ADAMTS10: variants seen among roughly 807,000 people sequenced by gnomAD.
ADAMTS10 encodes ADAM metallopeptidase with thrombospondin type 1 motif 10.
ADAMTS10 carries 48 observed loss-of-function variants against 135.9 expected under a neutral mutation model. That is an observed-to-expected ratio of 0.35 (90% CI 0.28 to 0.45). The LOEUF (loss-of-function observed/expected upper bound fraction) is 0.45. ADAMTS10 is among the 20% of genes least tolerant of loss of function. The pLI is 1.00. For missense variants in ADAMTS10, 1,131 were observed against 1,565.2 expected, an observed-to-expected ratio of 0.72 and a Z score of 4.68; for synonymous variants, 621 against 647.5, an observed-to-expected ratio of 0.96 and a Z score of 0.62.
intron 18 of ADAMTS10, 115 bp from the exon 19 acceptor site, chr19:8,587,011 T>C (rs2042442371): frequency 2.8e-6 from 3 of 1,081,330 alleles, no homozygotes; most frequent in Non-Finnish European, 4.2e-6. Context: ...AACACACATC[T>C]AACTGCACCC....
chr19:8,595,569 G>T, intron 12 of ADAMTS10, 193 bp downstream of exon 12: 1 of 841,312 alleles, frequency 1.2e-6, no homozygotes, highest in Non-Finnish European at 1.9e-6. Flanking sequence ...CCCAAGCACT[G>T]TCTGATTGCT....
Position 8,605,488 on chromosome 19 carries a change from G to T in ADAMTS10, c.89-130C>A. ...CGAAATCCAGGGAGTTGGCTGCAAG[G>T]CTCCCGCCTATTGACCCCAGGGCCT... is the stretch of plus-strand genomic sequence containing the variant. On this transcript the variant is annotated intron_variant, in intron 3 of 25. Coordinates refer to ENST00000597188, the MANE Select transcript of ADAMTS10 (RefSeq NM_030957.4). This position sits in a 1 kb window ranked among gnomAD's most constrained non-coding sequence, Gnocchi z 7.7. The T allele has an allele frequency of 6.8e-7, 1 of 1,469,704 alleles. No individual in the cohort carries two copies. Among genetic ancestry groups the T allele is most frequent in the Non-Finnish European group, 9.2e-7 (1 of 1,082,774 alleles). 91.0% of individuals were successfully genotyped at this position (1,469,704 alleles called of 1,614,324 possible).
chr19:8,590,059 C>A, intron 15 of ADAMTS10, 68 bp from the exon 16 acceptor site: 3 of 1,147,328 alleles, frequency 2.6e-6, no homozygotes, highest in Non-Finnish European at 3.9e-6. Flanking sequence ...AAGGGGTGCT[C>A]AGAGAAAGAT....
chr19:8,609,234 C>G lies in ADAMTS10; in HGVS notation c.-214-986G>C, dbSNP rs897913043. ...TTATGGCTTGTGAGTGTGTGTGACC[C>G]TGTGTGTGTGTGTGTGTGTGTGTGT... On this transcript the variant is annotated intron_variant, in intron 1 of 25. Transcript: ENST00000597188. Among the ~76,000 whole-genome samples, 144 of 139,928 alleles carry G rather than the reference C, an allele frequency of 1.0e-3. 1 individual carries two copies. The highest frequency in any genetic ancestry group is 3.6e-3 in the African/African-American group (138 of 37,912). 91.8% of individuals were successfully genotyped at this position (139,928 alleles called of 152,430 possible).
intron 5 of ADAMTS10, among the ~76,000 whole-genome samples, chr19:8,602,520 C>T (rs1199086858): frequency 6.6e-6 from 1 of 152,076 alleles, no homozygotes; most frequent in Non-Finnish European, 1.5e-5. Context: ...GGGGTTTCGC[C>T]ATGTTGGCCA....
rs1294595639 is a variant in ADAMTS10, at chr19:8,602,655, T to C, written c.592+1073A>G. Among the ~76,000 whole-genome samples, 13 of 152,290 alleles carry C rather than the reference T, an allele frequency of 8.5e-5. 1 individual carries two copies. Among genetic ancestry groups the C allele is most frequent in the Admixed American group, 8.5e-4 (13 of 15,284 alleles). On this transcript the variant is annotated intron_variant, in intron 5 of 25. Transcript: ENST00000597188. ...TATATATATATTTTGAAACAGGACC[T>C]TGCTCTGTTGCCCACGCTGGAGTGC... is the stretch of plus-strand genomic sequence containing the variant.
chr19:8,590,328 A>T lies in ADAMTS10; in HGVS notation c.1798-337T>A, dbSNP rs113659977. 1.6e-3 allele frequency among the ~76,000 whole-genome samples: 238 copies of T among 152,198 alleles called. 2 individuals carry two copies. The highest frequency in any genetic ancestry group is 5.3e-3 in the African/African-American group (220 of 41,520). ...CTCACTCTGTCGCCCAGGCTGGGGT[A>T]CAGTGCATGATCTTAGCTCATTGCA... On this transcript the variant is annotated intron_variant, in intron 15 of 25. Transcript: ENST00000597188.
rs547753428 is a variant in ADAMTS10 at position 8,592,753 on chromosome 19, C to T, written c.1587+10G>A. 1.1e-4 allele frequency: 172 copies of T among 1,607,458 alleles called. 2 individuals carry two copies. In the South Asian group the frequency reaches 1.7e-3, roughly 16 times the overall value. On this transcript the variant is annotated intron_variant, in intron 13 of 25. Transcript: ENST00000597188. The stretch of plus-strand genomic sequence containing the variant: ...GCGTGGCCCAGTTGGGGGCCCTGGC[C>T]GGCGCTCACCCCCTTGTCGATGGTG...
chr19:8,585,367 G>A (rs782381679), intron 23 of ADAMTS10, 59 bp from the exon 24 acceptor site: 5 of 1,534,496 alleles, frequency 3.3e-6, no homozygotes, highest in Non-Finnish European at 4.4e-6. Flanking sequence ...AGTGAGGAGG[G>A]GACAGCTAAC....
In ADAMTS10 at chr19:8,580,573, G is replaced by C. The variant is rs549628340; in HGVS notation, c.*320C>G. On this transcript the variant is annotated 3_prime_UTR_variant, in exon 26 of 26. Transcript: ENST00000597188. ...CAGTACATATTCCGATCAAAGGAGG[G>C]GGGGAGTGTTGGGGACTCCCTAAGG... 5.9e-6 allele frequency: 2 copies of C among 341,630 alleles called. No individual in the cohort carries two copies. Among genetic ancestry groups the C allele is most frequent in the South Asian group, 5.0e-5 (2 of 39,982 alleles). 21.2% of individuals were successfully genotyped at this position (341,630 alleles called of 1,614,324 possible).
intron 18 of ADAMTS10, among the ~76,000 whole-genome samples, chr19:8,588,290 T>C (rs557828404): frequency 6.6e-6 from 1 of 151,802 alleles, no homozygotes; most frequent in South Asian, 2.1e-4. Context: ...CTCCCTAGGT[T>C]GCCCAGGCTG....
At chr19:8,591,926 T>G in intron 14 of ADAMTS10, 32 bp downstream of exon 14, 1 of 1,611,414 alleles carries the variant, frequency 6.2e-7, no homozygotes, top group Non-Finnish European at 8.5e-7. Flanking sequence ...GGGGTCGCGC[T>G]GCCCTCCCGG....
chr19:8,603,721 G>C lies in ADAMTS10; in HGVS notation c.592+7C>G, dbSNP rs74823486. Reference sequence around the variant, plus strand: ...CCCTCTGCCCATCCCCAGAAAGACCGATGTACCTCTCACTCCACAGGCTGT... The same window carrying C: ...CCCTCTGCCCATCCCCAGAAAGACCCATGTACCTCTCACTCCACAGGCTGT... On this transcript the variant is annotated splice_region_variant and intron_variant, in intron 5 of 25. Coordinates refer to ENST00000597188, the MANE Select transcript of ADAMTS10 (RefSeq NM_030957.4). 10 of 1,614,048 alleles carry C rather than the reference G, an allele frequency of 6.2e-6. No homozygotes were observed. Among genetic ancestry groups the C allele is most frequent in the African/African-American group, 1.3e-5 (1 of 75,014 alleles).
At chr19:8,600,505 T>C (rs11259991) in intron 6 of ADAMTS10, among the ~76,000 whole-genome samples, 43,471 of 133,752 alleles carry the variant, frequency 0.33, 7,516 homozygotes, top group Non-Finnish European at 0.39. Context: ...CTTTTCTTTT[T>C]TTTTTTTTTT....
At position 8,592,746 on chromosome 19, in the gene ADAMTS10, C is replaced by T. The variant is rs1413541558; in HGVS notation, c.1587+17G>A. On this transcript the variant is annotated intron_variant, in intron 13 of 25. Coordinates refer to ENST00000597188, the MANE Select transcript of ADAMTS10 (RefSeq NM_030957.4). ...TCAGGGGGCGTGGCCCAGTTGGGGGCCCTGGCCGGCGCTCACCCCCTTGTC... is the reference window on the plus strand; with the variant it reads ...TCAGGGGGCGTGGCCCAGTTGGGGGTCCTGGCCGGCGCTCACCCCCTTGTC... 1.2e-6 allele frequency: 2 copies of T among 1,602,900 alleles called. No homozygotes were observed. Among genetic ancestry groups the T allele is most frequent in the African/African-American group, 1.3e-5 (1 of 75,022 alleles).
chr19:8,590,816 G>A (rs561425394), intron 15 of ADAMTS10, among the ~76,000 whole-genome samples: 13 of 151,850 alleles, frequency 8.6e-5, no homozygotes, highest in African/African-American at 2.9e-4. Flanking sequence ...GGATGGTCTC[G>A]AACTCCTGAC....
In ADAMTS10 at chr19:8,605,455, C is replaced by T. The variant is rs2042711165; in HGVS notation, c.89-97G>A. The T allele has an allele frequency of 6.8e-7, 1 of 1,476,418 alleles. No homozygotes were observed. Among genetic ancestry groups the T allele is most frequent in the Non-Finnish European group, 9.2e-7 (1 of 1,086,366 alleles). The allele number at this position is 1,476,418 out of a possible 1,614,324, so 91.5% of individuals were successfully genotyped here. ...GCTGGAGCAAGTGATGCTGGCCTCA[C>T]TGACCCCCGAAATCCAGGGAGTTGG... On this transcript the variant is annotated intron_variant, in intron 3 of 25. Transcript: ENST00000597188. The surrounding 1 kb of genome is among the most constrained non-coding windows in gnomAD (Gnocchi z 7.7).
At chr19:8,591,169 A>G (rs2042519609) in intron 15 of ADAMTS10, among the ~76,000 whole-genome samples, 1 of 152,078 alleles carries the variant, frequency 6.6e-6, no homozygotes, top group African/African-American at 2.4e-5. Flanking sequence ...GACAGAAGGC[A>G]GGGGTAGGAC....
chr19:8,586,486 G>T lies in ADAMTS10; in HGVS notation c.2404-16C>A, dbSNP rs782336542. ...GGGCCAGCACCTGGAGAAAGGGGGCGGCAGCCAGTGGAAGGATCGCATGGA... is the reference window on the plus strand; with the variant it reads ...GGGCCAGCACCTGGAGAAAGGGGGCTGCAGCCAGTGGAAGGATCGCATGGA... On this transcript the variant is annotated splice_polypyrimidine_tract_variant and intron_variant, in intron 20 of 25. Coordinates refer to ENST00000597188, the MANE Select transcript of ADAMTS10 (RefSeq NM_030957.4). 6 of 1,613,160 alleles carry T rather than the reference G, an allele frequency of 3.7e-6. No individual in the cohort carries two copies. The highest frequency in any genetic ancestry group is 4.2e-6 in the Non-Finnish European group (5 of 1,180,014).
Sources: allele counts gnomAD v4.1 joint callset (sites outside exome capture counted in the v4.1 genomes callset), GRCh38; gene constraint gnomAD v4.1.1; non-coding constraint Gnocchi (gnomAD v3.1); transcripts MANE v1.5; gene names NCBI Gene and HGNC (gene_info 2026-07-23, HGNC 2026-07-21).